CARMIL1: variants seen among roughly 807,000 people sequenced by gnomAD.
CARMIL1 encodes the protein capping protein regulator and myosin 1 linker 1.
In CARMIL1, 90 loss-of-function variants were observed where a neutral mutation model predicts 177.1. The observed-to-expected ratio is 0.51, with a 90% CI of 0.43 to 0.61. The LOEUF is 0.61. CARMIL1 is among the 20% of genes least tolerant of loss of function. The pLI, the probability that CARMIL1 is intolerant of heterozygous loss-of-function variation, is 0.00. For synonymous variants in CARMIL1, 577 were observed against 606.2 expected, an observed-to-expected ratio of 0.95 and a Z score of 0.71; for missense variants, 1,380 against 1,667.0, an observed-to-expected ratio of 0.83 and a Z score of 3.00.
intron 33 of CARMIL1, among the ~76,000 whole-genome samples, chr6:25,601,725 T>C (rs1815423416): frequency 6.6e-6 from 1 of 152,202 alleles, no homozygotes; most frequent in South Asian, 2.1e-4. Context: ...ATTTGCTGAG[T>C]TCCCCCCAAA....
intron 2 of CARMIL1, among the ~76,000 whole-genome samples, chr6:25,411,824 A>G (rs1191856932): frequency 2.6e-5 from 4 of 152,196 alleles, no homozygotes; most frequent in Admixed American, 2.6e-4. Context: ...CTGTTGGTCC[A>G]GGGAGCAGAG....
At chr6:25,488,445 G>T in intron 12 of CARMIL1, 37 bp from the exon 13 acceptor site, 1 of 1,460,836 alleles carries the variant, frequency 6.8e-7, no homozygotes, top group Non-Finnish European at 9.6e-7. Context: ...TTGTTTCCTG[G>T]AGTGCAAACT....
At position 25,595,068 on chromosome 6, in the gene CARMIL1, AT is replaced by A. The variant is rs370957995; in HGVS notation, c.3119+545del. On this transcript the variant is annotated intron_variant, in intron 32 of 36. Transcript: ENST00000329474. ...TTAGCAGAGAGCCCTCAGAGTCAGC[AT>A]TTTCTGAAGTTTTCTCCTCATTTTC... 5.8e-4 allele frequency among the ~76,000 whole-genome samples: 89 copies of A among 152,252 alleles called. No homozygotes were observed. The East Asian group carries it at 6.8e-3, about 12-fold the overall frequency.
rs111814476 is a variant in CARMIL1 at position 25,367,747 on chromosome 6, C to T, written c.139-52367C>T. Among the ~76,000 whole-genome samples, 511 of 152,312 alleles carry T rather than the reference C, an allele frequency of 3.4e-3. 1 individual carries two copies. The highest frequency in any genetic ancestry group is 0.011 in the African/African-American group (472 of 41,566). On this transcript the variant is annotated intron_variant, in intron 2 of 36. Coordinates refer to ENST00000329474, the MANE Select transcript of CARMIL1 (RefSeq NM_017640.6). Reference sequence around the variant, plus strand: ...CTTCATTATCTACAGACCACCTCTCCTGTGCTGCATTCAGACTCTCCCCCA... The same window carrying T: ...CTTCATTATCTACAGACCACCTCTCTTGTGCTGCATTCAGACTCTCCCCCA...
Position 25,531,917 on chromosome 6 carries a change from C to T in CARMIL1, c.2067+3024C>T, listed in dbSNP as rs186404013. Among the ~76,000 whole-genome samples the T allele has an allele frequency of 1.4e-4, 21 of 151,970 alleles. No individual in the cohort carries two copies. The East Asian group carries it at 3.7e-3, about 27-fold the overall frequency. Reference sequence around the variant, plus strand: ...TCCCGAGTAGCTGGAATTATAGTTGCCCATCACCACACCCAGCTAATTTTT... The same window carrying T: ...TCCCGAGTAGCTGGAATTATAGTTGTCCATCACCACACCCAGCTAATTTTT... On this transcript the variant is annotated intron_variant, in intron 24 of 36. Transcript: ENST00000329474.
At position 25,579,593 on chromosome 6, in the gene CARMIL1, G is replaced by A. The variant is rs781272589; in HGVS notation, c.2743-1331G>A. On this transcript the variant is annotated intron_variant, in intron 29 of 36. Transcript: ENST00000329474. ...ATTCCTTTCCATTTGCATTGAGTTA[G>A]CTGAGTTTTTATTGAACCTGCAAAA... Among the ~76,000 whole-genome samples, 3 of 152,170 alleles carry A rather than the reference G, an allele frequency of 2.0e-5. No homozygotes were observed. In the South Asian group the frequency reaches 6.2e-4, roughly 31 times the overall value.
intron 2 of CARMIL1, among the ~76,000 whole-genome samples, chr6:25,323,933 A>C (rs1190775359): frequency 1.3e-5 from 2 of 152,228 alleles, no homozygotes; most frequent in Admixed American, 1.3e-4. Context: ...AGCTCATAAA[A>C]TAAGGATGGA....
chr6:25,448,803 A>T (rs1277025622), intron 5 of CARMIL1, among the ~76,000 whole-genome samples: 3 of 152,128 alleles, frequency 2.0e-5, no homozygotes, highest in Non-Finnish European at 4.4e-5. Context: ...TTTCATAAAA[A>T]TTTTTTGAGT....
chr6:25,345,546 G>C (rs762788469), intron 2 of CARMIL1, among the ~76,000 whole-genome samples: 4 of 152,136 alleles, frequency 2.6e-5, no homozygotes, highest in Non-Finnish European at 4.4e-5. Context: ...TTCCTCCACA[G>C]TCATTCCCAT....
chr6:25,357,348 G>T (rs1300617534), intron 2 of CARMIL1, among the ~76,000 whole-genome samples: 1 of 152,180 alleles, frequency 6.6e-6, no homozygotes, highest in Non-Finnish European at 1.5e-5. Context: ...TTGGGAGGCC[G>T]AGATGGGCAG....
At chr6:25,346,846 CAAAT>C (rs1319209595) in intron 2 of CARMIL1, among the ~76,000 whole-genome samples, 1 of 152,068 alleles carries the variant, frequency 6.6e-6, no homozygotes, top group African/African-American at 2.4e-5. Flanking sequence ...TTACAGGTGT[CAAAT>C]TAATTTAAAA....
At chr6:25,589,483 C>A (rs1814093720) in intron 31 of CARMIL1, among the ~76,000 whole-genome samples, 1 of 152,080 alleles carries the variant, frequency 6.6e-6, no homozygotes, top group South Asian at 2.1e-4. Flanking sequence ...CATATCGCTT[C>A]TCTCCTTTTA....
At chr6:25,369,154 G>A (rs1790137681) in intron 2 of CARMIL1, among the ~76,000 whole-genome samples, 1 of 152,132 alleles carries the variant, frequency 6.6e-6, no homozygotes, top group African/African-American at 2.4e-5. Flanking sequence ...CTTTGTTAAA[G>A]ACTGGATTTA....
chr6:25,487,056 C>G (rs987210089), intron 12 of CARMIL1, among the ~76,000 whole-genome samples: 3 of 152,098 alleles, frequency 2.0e-5, no homozygotes, highest in African/African-American at 7.2e-5. Context: ...ATTTTTTATT[C>G]GAAGTCTCGG....
intron 5 of CARMIL1, among the ~76,000 whole-genome samples, chr6:25,437,792 G>T (rs1210052850): frequency 1.3e-5 from 2 of 152,150 alleles, no homozygotes; most frequent in African/African-American, 4.8e-5. Context: ...TATTCAATTG[G>T]TTGCTAAGCT....
chr6:25,362,738 T>C (rs1789354265), intron 2 of CARMIL1, among the ~76,000 whole-genome samples: 1 of 152,048 alleles, frequency 6.6e-6, no homozygotes, highest in South Asian at 2.1e-4. Flanking sequence ...GTTTCTCTTC[T>C]AAAGTATATA....
At chr6:25,586,257 C>T (rs879486142) in intron 31 of CARMIL1, among the ~76,000 whole-genome samples, 15 of 146,934 alleles carry the variant, frequency 1.0e-4, no homozygotes, top group African/African-American at 2.6e-4. Context: ...CGGGCAGAGA[C>T]GCTCCTCACC....
rs534801667 is a variant in CARMIL1, at chr6:25,555,468, T to C, written c.2593-1233T>C. On this transcript the variant is annotated intron_variant, in intron 28 of 36. Transcript: ENST00000329474. ...CAGGCCAGAGTGCAGTGGTGCGATC[T>C]TGGCTCACTGCAACCTCTGCCCCTA... 4.6e-5 allele frequency among the ~76,000 whole-genome samples: 7 copies of C among 152,286 alleles called. No homozygotes were observed. In the East Asian group the frequency reaches 1.2e-3, roughly 25 times the overall value.
intron 8 of CARMIL1, among the ~76,000 whole-genome samples, chr6:25,461,518 G>A (rs186925936): frequency 1.8e-3 from 271 of 152,278 alleles, no homozygotes; most frequent in African/African-American, 6.4e-3. Context: ...GAGAGAGCTG[G>A]GTAGAAACTG....
Sources: gnomAD v4.1 joint callset for allele counts (sites outside exome capture counted in the v4.1 genomes callset) on GRCh38, gnomAD v4.1.1 for gene constraint, MANE v1.5 for transcripts, NCBI Gene and HGNC (gene_info 2026-07-23, HGNC 2026-07-21) for gene names.